The following PTK7 variants were observed in gnomAD, a reference collection of about 807,000 sequenced individuals.
The protein encoded by PTK7 is inactive tyrosine-protein kinase 7.
Under a neutral mutation model 116.6 loss-of-function variants are expected in PTK7, and 39 were observed. The ratio of observed to expected loss-of-function variants is 0.33; its 90% CI spans 0.26 to 0.44. The LOEUF is 0.44. Ranked by LOEUF, PTK7 falls within the 20% of genes least tolerant of loss-of-function variation. The probability of loss-of-function intolerance (pLI) is 1.00; values close to 1 mark genes in which losing one functional copy is unlikely to be tolerated. For synonymous variants in PTK7, 546 were observed against 563.6 expected (o/e 0.97, Z 0.44); for missense variants, 1,169 against 1,425.6 (o/e 0.82, Z 2.90).
chr6:43,130,702 C>A, intron 5 of PTK7, 41 bp downstream of exon 5: 2 of 1,604,580 alleles, frequency 1.2e-6, no homozygotes, highest in Non-Finnish European at 1.7e-6. Context: ...CCATGTACCA[C>A]ACACATGCAT....
chr6:43,082,110 G>GA (rs1766411792), intron 1 of PTK7, among the ~76,000 whole-genome samples: 1 of 152,148 alleles, frequency 6.6e-6, no homozygotes, highest in Non-Finnish European at 1.5e-5. Context: ...GCTACTTGAA[G>GA]AAAGACCCAG....
At chr6:43,098,162 C>T (rs1767360615) in intron 1 of PTK7, among the ~76,000 whole-genome samples, 2 of 152,166 alleles carry the variant, frequency 1.3e-5, no homozygotes, top group Admixed American at 6.6e-5. Context: ...GCATGAGCCC[C>T]CAACTCCTCC....
intron 19 of PTK7, among the ~76,000 whole-genome samples, chr6:43,160,171 A>G (rs935033796): frequency 2.0e-5 from 3 of 152,164 alleles, no homozygotes; most frequent in Admixed American, 6.5e-5. Flanking sequence ...ACTGGAGTGC[A>G]GTGGCCCGAT....
intron 1 of PTK7, among the ~76,000 whole-genome samples, chr6:43,088,575 C>T (rs959937319): frequency 6.6e-6 from 1 of 151,974 alleles, no homozygotes; most frequent in African/African-American, 2.4e-5. Context: ...GCCTGTAATC[C>T]CAGCTACTCG....
chr6:43,104,187 A>G (rs1767736847), intron 1 of PTK7, among the ~76,000 whole-genome samples: 1 of 152,200 alleles, frequency 6.6e-6, no homozygotes, highest in Non-Finnish European at 1.5e-5. Flanking sequence ...CAAAATAATA[A>G]TAAGGTAACA....
chr6:43,079,721 A>G (rs1766260960), intron 1 of PTK7, among the ~76,000 whole-genome samples: 1 of 152,010 alleles, frequency 6.6e-6, no homozygotes, highest in African/African-American at 2.4e-5. Flanking sequence ...GCTCTAAAGT[A>G]TGAGGATTAC....
intron 1 of PTK7, among the ~76,000 whole-genome samples, chr6:43,097,108 C>G (rs778599042): frequency 6.6e-6 from 1 of 152,198 alleles, no homozygotes; most frequent in Non-Finnish European, 1.5e-5. Flanking sequence ...CACACACTTA[C>G]AATTCATTAT....
At chr6:43,120,487 A>G (rs1768892906) in intron 1 of PTK7, among the ~76,000 whole-genome samples, 1 of 152,226 alleles carries the variant, frequency 6.6e-6, no homozygotes, top group Admixed American at 6.5e-5. Flanking sequence ...AGAGCAGCTC[A>G]TCAGAATGAT....
chr6:43,088,842 G>GT (rs1766800294), intron 1 of PTK7, among the ~76,000 whole-genome samples: 1 of 152,100 alleles, frequency 6.6e-6, no homozygotes, highest in South Asian at 2.1e-4. Context: ...CCTCCTCCTG[G>GT]TGCTGCTGGA....
intron 1 of PTK7, among the ~76,000 whole-genome samples, chr6:43,078,923 A>G (rs1396547125): frequency 1.3e-5 from 2 of 152,156 alleles, no homozygotes; most frequent in Non-Finnish European, 2.9e-5. Flanking sequence ...CTGTCTGCAG[A>G]TTCCTCAAGG....
chr6:43,125,571 G>A (rs1308313783), intron 1 of PTK7, among the ~76,000 whole-genome samples: 2 of 152,198 alleles, frequency 1.3e-5, no homozygotes, highest in African/African-American at 4.8e-5. Flanking sequence ...TCTCTGCTGT[G>A]GCAGCTCCTT....
chr6:43,129,005 G>C lies in PTK7; in HGVS notation c.108G>C (p.Lys36Asn). ...CCCAGACAGCCATTGTCTTCATCAAGCAGCCGTCCTCCCAGGATGCACTGC... is the reference window on the plus strand; with the variant it reads ...CCCAGACAGCCATTGTCTTCATCAACCAGCCGTCCTCCCAGGATGCACTGC... ...GGTQTAIVFIKQPSSQDALQG... is the reference protein window; with the variant it reads ...GGTQTAIVFINQPSSQDALQG... Residue 36 changes from lysine to asparagine, a missense_variant, in exon 2 of 20, where the codon AAG becomes AAC. This residue lies in a region of PTK7 where 487 missense variants were observed against 549.8 expected (regional missense o/e 0.89). Transcript: ENST00000230419. The surrounding 1 kb of genome is among the most constrained non-coding windows in gnomAD (Gnocchi z 4.5). 1 of 1,611,870 alleles carries C rather than the reference G, an allele frequency of 6.2e-7. No homozygotes were observed. The highest frequency in any genetic ancestry group is 1.1e-5 in the South Asian group (1 of 90,926).
Position 43,160,733 on chromosome 6 carries a change from G to A in PTK7, c.3065G>A (p.Gly1022Glu). Residue 1022 changes from glycine (G) to glutamate (E), a missense_variant, in exon 20 of 20, where the codon GGG (glycine) becomes GAG (glutamate). This residue lies in a region of PTK7 where 678 missense variants were observed against 853.8 expected (regional missense o/e 0.79). Transcript: ENST00000230419. ...GTCTTCCCTACAGATTTGCAGGCTG[G>A]GAAGGCTAGACTTCCTCAGCCCGAG... The part of the protein sequence containing the change: ...DDEVLADLQA[G>E]KARLPQPEGC... 1.2e-6 allele frequency: 2 copies of A among 1,614,144 alleles called. No homozygotes were observed. The highest frequency in any genetic ancestry group is 1.7e-6 in the Non-Finnish European group (2 of 1,179,998).
At chr6:43,153,770 C>G (rs1771263989) in intron 17 of PTK7, among the ~76,000 whole-genome samples, 1 of 152,016 alleles carries the variant, frequency 6.6e-6, no homozygotes, top group African/African-American at 2.4e-5. Flanking sequence ...GGTGCAGTGC[C>G]TCATACCTGT....
intron 1 of PTK7, among the ~76,000 whole-genome samples, chr6:43,104,776 A>G (rs995447829): frequency 1.4e-5 from 2 of 147,256 alleles, no homozygotes; most frequent in African/African-American, 5.0e-5. Context: ...ATTAAGCATC[A>G]GTGTTGGTTA....
chr6:43,142,206 C>A lies in PTK7; in HGVS notation c.1954C>A (p.His652Asn). The A allele has an allele frequency of 6.2e-7, 1 of 1,614,164 alleles. No individual in the cohort carries two copies. The highest frequency in any genetic ancestry group is 1.7e-5 in the Admixed American group (1 of 60,018). The stretch of plus-strand genomic sequence containing the variant: ...CTTCCAGAATGGCTCCCTGGTGATC[C>A]ATGACGTGGCCCCTGAGGACTCAGG... ...HIFQNGSLVI[H>N]DVAPEDSGRY... Residue 652 changes from histidine to asparagine, a missense_variant, in exon 13 of 20, where the codon CAT (histidine) becomes AAT (asparagine). Physicochemically the swap from His to Asn is moderately conservative, Grantham distance 68. Coordinates refer to ENST00000230419, the MANE Select transcript of PTK7 (RefSeq NM_002821.5).
rs1770294723 is a variant in PTK7 at position 43,139,994 on chromosome 6, A to G, written c.1618+469A>G. Reference sequence around the variant, plus strand: ...CCAGGCGTGGTGGCACATGCTTGCAATCCCAGCTGCTTAGGAGGCTGAAGC... The same window carrying G: ...CCAGGCGTGGTGGCACATGCTTGCAGTCCCAGCTGCTTAGGAGGCTGAAGC... On this transcript the variant is annotated intron_variant, in intron 10 of 19. Coordinates refer to ENST00000230419, the MANE Select transcript of PTK7 (RefSeq NM_002821.5). This position sits in a 1 kb window ranked among gnomAD's most constrained non-coding sequence, Gnocchi z 4.6. 6.6e-6 allele frequency among the ~76,000 whole-genome samples: 1 copy of G among 152,150 alleles called. No homozygotes were observed. The highest frequency in any genetic ancestry group is 2.4e-5 in the African/African-American group (1 of 41,450).
At chr6:43,092,933 C>T (rs889061213) in intron 1 of PTK7, among the ~76,000 whole-genome samples, 7 of 152,166 alleles carry the variant, frequency 4.6e-5, no homozygotes, top group African/African-American at 1.7e-4. Flanking sequence ...TTTTGCTTCC[C>T]ATCTACCAGT....
intron 7 of PTK7, among the ~76,000 whole-genome samples, chr6:43,136,250 G>T (rs540299476): frequency 6.7e-6 from 1 of 149,256 alleles, no homozygotes; most frequent in African/African-American, 2.5e-5. Flanking sequence ...CAGGAGAATC[G>T]CTTGAACCTG....
Sources: allele counts gnomAD v4.1 joint callset (sites outside exome capture counted in the v4.1 genomes callset), GRCh38; gene constraint gnomAD v4.1.1; regional missense constraint gnomAD v4.1.1; non-coding constraint Gnocchi (gnomAD v3.1); transcripts MANE v1.5; gene names NCBI Gene and HGNC (gene_info 2026-07-23, HGNC 2026-07-21).